Variants in KMT5B observed in about 807,000 individuals in gnomAD.
The protein encoded by KMT5B is histone-lysine N-methyltransferase KMT5B.
KMT5B carries 10 observed loss-of-function variants against 83.2 expected under a neutral mutation model. The ratio of observed to expected loss-of-function variants is 0.12; its 90% CI spans 0.07 to 0.20. The LOEUF is 0.20. KMT5B is among the 10% of genes least tolerant of loss of function. KMT5B has a pLI of 1.00. For synonymous variants in KMT5B, 349 were observed against 388.8 expected (o/e 0.90, Z 1.20); for missense variants, 753 against 1,067.2 (o/e 0.71, Z 4.10).
intron 1 of KMT5B, among the ~76,000 whole-genome samples, chr11:68,194,779 A>C (rs1858509984): frequency 6.6e-6 from 1 of 152,238 alleles, no homozygotes; most frequent in African/African-American, 2.4e-5. Context: ...TCTGAAAAAC[A>C]GATGTTCTGT....
intron 1 of KMT5B, among the ~76,000 whole-genome samples, chr11:68,207,797 A>C (rs1860331464): frequency 6.6e-6 from 1 of 150,622 alleles, no homozygotes; most frequent in South Asian, 2.1e-4. Flanking sequence ...TCTCAAAAAA[A>C]AAAAAAAAAC....
At chr11:68,181,077 T>TC (rs72424599) in intron 3 of KMT5B, among the ~76,000 whole-genome samples, 18,844 of 147,632 alleles carry the variant, frequency 0.13, 1,346 homozygotes, top group East Asian at 0.22. Context: ...TCTTTTTTCT[T>TC]TTTTTTTTTT....
upstream of KMT5B, chr11:68,213,446 C>T (rs981917495): frequency 1.6e-3 from 230 of 146,180 alleles, no homozygotes; most frequent in African/African-American, 5.3e-3. Flanking sequence ...CCCCGGCGCC[C>T]GCCCCCGCGC....
At position 68,171,299 on chromosome 11, in the gene KMT5B, G is replaced by A. The variant is rs1378237461; in HGVS notation, c.821-48C>T. The A allele has an allele frequency of 6.3e-7, 1 of 1,592,650 alleles. No individual in the cohort carries two copies. The highest frequency in any genetic ancestry group is 1.3e-5 in the African/African-American group (1 of 74,312). ...AGTCAATTAACTGTTGATAAGATCTGAAACACGAACAATTATAGAAATCTG... is the reference window on the plus strand; with the variant it reads ...AGTCAATTAACTGTTGATAAGATCTAAAACACGAACAATTATAGAAATCTG... On this transcript the variant is annotated intron_variant, in intron 7 of 10. Transcript: ENST00000304363. The surrounding 1 kb of genome is among the most constrained non-coding windows in gnomAD (Gnocchi z 5.1).
At chr11:68,167,392 T>C (rs190134710) in intron 9 of KMT5B, among the ~76,000 whole-genome samples, 1 of 152,036 alleles carries the variant, frequency 6.6e-6, no homozygotes, top group Non-Finnish European at 1.5e-5. Flanking sequence ...TAAAACAACT[T>C]GTTATGACTA....
At chr11:68,209,800 A>T (rs1203027380) in intron 1 of KMT5B, among the ~76,000 whole-genome samples, 2 of 151,842 alleles carry the variant, frequency 1.3e-5, no homozygotes, top group Non-Finnish European at 2.9e-5. Context: ...TGCTTGAGCC[A>T]CGTGTACCAC....
rs186773244 is a variant in KMT5B at position 68,183,598 on chromosome 11, A to T, written c.308+2183T>A. ...GGTCTCGAACTCCTGAGCTCAGGTGATCCACCCACCTCGGCCTCCCAAAGT... is the reference window on the plus strand; with the variant it reads ...GGTCTCGAACTCCTGAGCTCAGGTGTTCCACCCACCTCGGCCTCCCAAAGT... On this transcript the variant is annotated intron_variant, in intron 3 of 10. Coordinates refer to ENST00000304363, the MANE Select transcript of KMT5B (RefSeq NM_017635.5). Among the ~76,000 whole-genome samples the T allele has an allele frequency of 2.1e-4, 32 of 150,772 alleles. No individual in the cohort carries two copies. In the East Asian group the frequency reaches 5.9e-3, roughly 28 times the overall value.
intron 4 of KMT5B, among the ~76,000 whole-genome samples, chr11:68,176,906 T>A (rs1459870456): frequency 6.6e-6 from 1 of 152,204 alleles, no homozygotes; most frequent in Non-Finnish European, 1.5e-5. Flanking sequence ...TACTCTGACA[T>A]TTAAAATTGT....
At chr11:68,213,466 C>CG (rs1177214854), upstream of KMT5B, 13 of 148,724 alleles carry the variant, frequency 8.7e-5, no homozygotes, top group African/African-American at 2.9e-4. Flanking sequence ...CCCCGCCACC[C>CG]GGGGCCTCAC....
chr11:68,211,979 T>A (rs773960719), intron 1 of KMT5B, among the ~76,000 whole-genome samples: 4 of 152,174 alleles, frequency 2.6e-5, no homozygotes, highest in African/African-American at 7.2e-5. Context: ...AGATACACAA[T>A]AAATCTGTAT....
At chr11:68,191,173 T>TGTGTGTGTGTGTGTG (rs1858004569) in intron 1 of KMT5B, among the ~76,000 whole-genome samples, 3 of 139,172 alleles carry the variant, frequency 2.2e-5, no homozygotes, top group South Asian at 2.4e-4. Context: ...TTTTAAAACT[T>TGTGTGTGTGTGTGTG]TGTGTGTGTG....
chr11:68,187,584 C>T (rs1857557106), intron 2 of KMT5B, among the ~76,000 whole-genome samples: 2 of 152,132 alleles, frequency 1.3e-5, no homozygotes. Context: ...TTTATGGAAG[C>T]TTGTTATACG....
At position 68,160,401 on chromosome 11, in the gene KMT5B, A is replaced by T. The variant is rs528795419; in HGVS notation, c.1175-1230T>A. Among the ~76,000 whole-genome samples, 214 of 152,128 alleles carry T rather than the reference A, an allele frequency of 1.4e-3. 2 individuals are homozygous for T. The highest frequency in any genetic ancestry group is 3.7e-4 in the Non-Finnish European group (25 of 68,032). The stretch of plus-strand genomic sequence containing the variant: ...TAGTTCTTGCAGGTCCAGTTGAAAA[A>T]CTTCTTCCTAATCAAAACACTCCAT... On this transcript the variant is annotated intron_variant, in intron 10 of 10. Transcript: ENST00000304363.
intron 9 of KMT5B, among the ~76,000 whole-genome samples, chr11:68,167,729 T>C (rs983392672): frequency 2.0e-5 from 3 of 152,146 alleles, no homozygotes; most frequent in African/African-American, 7.2e-5. Context: ...AAGTGCTGGA[T>C]TTACAGGCGT....
intron 1 of KMT5B, among the ~76,000 whole-genome samples, chr11:68,192,368 T>C (rs1858188531): frequency 6.6e-6 from 1 of 152,234 alleles, no homozygotes; most frequent in Admixed American, 6.5e-5. Context: ...AGGAATACAG[T>C]GCCCCCAGAC....
At chr11:68,192,431 C>T (rs1292919078) in intron 1 of KMT5B, among the ~76,000 whole-genome samples, 1 of 152,104 alleles carries the variant, frequency 6.6e-6, no homozygotes, top group Non-Finnish European at 1.5e-5. Flanking sequence ...TTGTTCCTTG[C>T]TTGTGTTTAG....
chr11:68,157,570 T>C lies in KMT5B; in HGVS notation c.*118A>G. The stretch of plus-strand genomic sequence containing the variant: ...ATGCTGTACACTTTCTACAATAGTA[T>C]GCTGATAAGTGAAGGGACAATAGAA... On this transcript the variant is annotated 3_prime_UTR_variant, in exon 11 of 11. Transcript: ENST00000304363. 2.9e-6 allele frequency: 4 copies of C among 1,397,786 alleles called. No individual in the cohort carries two copies. The highest frequency in any genetic ancestry group is 3.8e-6 in the Non-Finnish European group (4 of 1,065,502). The allele number at this position is 1,397,786 out of a possible 1,614,324, so 86.6% of individuals were successfully genotyped here. A position where few individuals can be genotyped will look rare whatever the true frequency, so the allele number is the denominator to read the frequency against.
intron 1 of KMT5B, among the ~76,000 whole-genome samples, chr11:68,194,051 A>T (rs1344019635): frequency 6.6e-6 from 1 of 152,126 alleles, no homozygotes; most frequent in Non-Finnish European, 1.5e-5. Context: ...TGGATCTTGG[A>T]TCCCCAGCAG....
At chr11:68,165,356 T>G (rs1565219902) in intron 10 of KMT5B, among the ~76,000 whole-genome samples, 2 of 152,206 alleles carry the variant, frequency 1.3e-5, no homozygotes, top group Middle Eastern at 6.8e-3. Context: ...ATACAAAAAT[T>G]AGCTGGATGC....
Sources: gnomAD v4.1 joint callset for allele counts (sites outside exome capture counted in the v4.1 genomes callset) on GRCh38, gnomAD v4.1.1 for gene constraint, Gnocchi (gnomAD v3.1) non-coding constraint, MANE v1.5 for transcripts, NCBI Gene and HGNC (gene_info 2026-07-23, HGNC 2026-07-21) for gene names.